Variants in FRMD6 observed in about 807,000 individuals in gnomAD.
FRMD6 encodes FERM domain containing 6, also known as FERM domain-containing protein 6.
Under a neutral mutation model 73.2 loss-of-function variants are expected in FRMD6, and 37 were observed. The ratio of observed to expected loss-of-function variants is 0.51; its 90% CI spans 0.39 to 0.66. The LOEUF (loss-of-function observed/expected upper bound fraction) is 0.66, where lower values mean the gene tolerates loss of function less well. FRMD6 is among the 30% of genes least tolerant of loss of function. FRMD6 has a pLI of 0.00. For synonymous variants in FRMD6, 273 were observed against 282.2 expected, an observed-to-expected ratio of 0.97 and a Z score of 0.33; for missense variants, 714 against 780.5, an observed-to-expected ratio of 0.91 and a Z score of 1.02.
intron 1 of FRMD6, among the ~76,000 whole-genome samples, chr14:51,524,699 G>A (rs1245446616): frequency 1.3e-5 from 2 of 152,094 alleles, no homozygotes; most frequent in Admixed American, 6.6e-5. Context: ...GATAGAAAAG[G>A]GAAAGTGATG....
At chr14:51,726,555 T>G (rs1323261819) in intron 13 of FRMD6, among the ~76,000 whole-genome samples, 1 of 152,222 alleles carries the variant, frequency 6.6e-6, no homozygotes, top group Non-Finnish European at 1.5e-5. Context: ...TTTTTTCTCA[T>G]TTGTCTTTTC....
At chr14:51,530,972 A>G (rs1029138377) in intron 1 of FRMD6, among the ~76,000 whole-genome samples, 6 of 152,180 alleles carry the variant, frequency 3.9e-5, no homozygotes, top group Admixed American at 1.3e-4. Context: ...GGTAAGTCCA[A>G]TGCGCCAGCA....
At chr14:51,693,799 A>G (rs978483849) in intron 2 of FRMD6, among the ~76,000 whole-genome samples, 2 of 152,200 alleles carry the variant, frequency 1.3e-5, no homozygotes, top group Admixed American at 6.6e-5. Context: ...GGACACAAGC[A>G]TGTAGACTCA....
chr14:51,446,707 A>G, the FRMD6 span, among the ~76,000 whole-genome samples: 6 of 152,342 alleles, frequency 3.9e-5, no homozygotes, highest in South Asian at 8.3e-4. Flanking sequence ...ACTCTTGTGC[A>G]TCACTAGTGA....
intron 2 of FRMD6, among the ~76,000 whole-genome samples, chr14:51,646,032 A>G (rs1892050258): frequency 6.6e-6 from 1 of 151,994 alleles, no homozygotes; most frequent in African/African-American, 2.4e-5. Flanking sequence ...AAAACACTGA[A>G]GAGAGGCCGG....
rs568011673 is a variant in FRMD6, at chr14:51,593,160, G to A, written c.-147+22750G>A. ...GGGTCCTCGGTGTAACTGATGGGATGTTAACATATCTGCACCTGCAGAGGG... is the reference window on the plus strand; with the variant it reads ...GGGTCCTCGGTGTAACTGATGGGATATTAACATATCTGCACCTGCAGAGGG... On this transcript the variant is annotated intron_variant, in intron 2 of 14. Transcript: ENST00000356218. 1.2e-4 allele frequency among the ~76,000 whole-genome samples: 19 copies of A among 152,314 alleles called. No individual in the cohort carries two copies. The South Asian group carries it at 3.9e-3, about 32-fold the overall frequency.
intron 2 of FRMD6, chr14:51,579,421 A>C (rs952011872): frequency 1.1e-4 from 17 of 152,322 alleles, no homozygotes; most frequent in African/African-American, 3.4e-4. Flanking sequence ...GAAAGCAACA[A>C]ATTTTCTCCA....
At chr14:51,581,191 G>A (rs774400048) in intron 2 of FRMD6, among the ~76,000 whole-genome samples, 2 of 151,806 alleles carry the variant, frequency 1.3e-5, no homozygotes, top group African/African-American at 2.4e-5. Context: ...ACATGCATCC[G>A]CCCACACTTC....
intron 2 of FRMD6, among the ~76,000 whole-genome samples, chr14:51,634,713 G>C (rs923305979): frequency 4.3e-4 from 65 of 152,148 alleles, no homozygotes; most frequent in Admixed American, 8.5e-4. Flanking sequence ...CAAATTTGGA[G>C]GCAGCCTAGT....
chr14:51,469,100 C>T, the FRMD6 span, among the ~76,000 whole-genome samples: 1 of 151,644 alleles, frequency 6.6e-6, no homozygotes, highest in Non-Finnish European at 1.5e-5. Flanking sequence ...GCCACCACGC[C>T]CGGCTAATTT....
At chr14:51,467,361 A>G in the FRMD6 span, among the ~76,000 whole-genome samples, 3 of 152,204 alleles carry the variant, frequency 2.0e-5, no homozygotes, top group Admixed American at 2.0e-4. Flanking sequence ...TCCTATGTCT[A>G]CTTCTTTCCA....
intron 2 of FRMD6, among the ~76,000 whole-genome samples, chr14:51,584,778 T>G (rs374662149): frequency 6.6e-6 from 1 of 151,856 alleles, no homozygotes; most frequent in African/African-American, 2.4e-5. Flanking sequence ...GTGTCCACTT[T>G]CCTCAGAGTC....
At chr14:51,529,470 C>CAGAG (rs146389938) in intron 1 of FRMD6, among the ~76,000 whole-genome samples, 15 of 151,508 alleles carry the variant, frequency 9.9e-5, no homozygotes, top group African/African-American at 2.9e-4. Context: ...TCATCATACA[C>CAGAG]AGAGAGAGAG....
chr14:51,522,656 C>T (rs922915032), intron 1 of FRMD6, among the ~76,000 whole-genome samples: 1 of 152,106 alleles, frequency 6.6e-6, no homozygotes, highest in Non-Finnish European at 1.5e-5. Context: ...GACAAATTTG[C>T]ACAAGTGTCC....
chr14:51,609,345 G>A (rs1200099789), intron 2 of FRMD6, among the ~76,000 whole-genome samples: 1 of 152,134 alleles, frequency 6.6e-6, no homozygotes, highest in African/African-American at 2.4e-5. Context: ...CATGGTCTGT[G>A]CTTTCAAGAA....
chr14:51,601,750 A>G (rs1199441363), intron 2 of FRMD6, among the ~76,000 whole-genome samples: 1 of 152,248 alleles, frequency 6.6e-6, no homozygotes, highest in African/African-American at 2.4e-5. Flanking sequence ...GCAAGGTCCT[A>G]TGTCTACCAA....
At chr14:51,576,108 G>T (rs988900720) in intron 2 of FRMD6, 1 of 152,332 alleles carries the variant, frequency 6.6e-6, no homozygotes, top group Non-Finnish European at 1.5e-5. Context: ...ACACCCAGGA[G>T]AGTGGGCTAC....
At chr14:51,494,856 T>A (rs1283146800) in intron 1 of FRMD6, among the ~76,000 whole-genome samples, 1 of 152,240 alleles carries the variant, frequency 6.6e-6, no homozygotes, top group African/African-American at 2.4e-5. Flanking sequence ...GTTTAGATAG[T>A]TGACTAATTT....
chr14:51,427,296 G>A, the FRMD6 span, among the ~76,000 whole-genome samples: 1 of 152,234 alleles, frequency 6.6e-6, no homozygotes, highest in African/African-American at 2.4e-5. Context: ...TGCAGGAGGA[G>A]GGAGTGGAGC....
Sources: allele counts gnomAD v4.1 joint callset (sites outside exome capture counted in the v4.1 genomes callset), GRCh38; gene constraint gnomAD v4.1.1; transcripts MANE v1.5; gene names NCBI Gene and HGNC (gene_info 2026-07-23, HGNC 2026-07-21).